AGBL4: variants seen among roughly 807,000 people sequenced by gnomAD.
AGBL4 encodes cytosolic carboxypeptidase 6.
Under a neutral mutation model 66.4 loss-of-function variants are expected in AGBL4, and 58 were observed. That is an observed-to-expected ratio of 0.87 (90% CI 0.71 to 1.09). AGBL4 has a LOEUF of 1.09. AGBL4 is among the 50% of genes least tolerant of loss of function. AGBL4 has a pLI of 0.00. For missense variants in AGBL4, 579 were observed against 631.0 expected (o/e 0.92, Z 0.88); for synonymous variants, 234 against 222.9 (o/e 1.05, Z -0.44).
In AGBL4 at chr1:48,537,098, A is replaced by C. The variant is rs567640861; in HGVS notation, c.1365-2182T>G. On this transcript the variant is annotated intron_variant, in intron 12 of 13. Coordinates refer to ENST00000371839, the MANE Select transcript of AGBL4 (RefSeq NM_032785.4). ...TAAAGCCAGACTGCTCTTTCACTTAAACTATTTGATGCTTGGGTGGAAAAT... is the reference window on the plus strand; with the variant it reads ...TAAAGCCAGACTGCTCTTTCACTTACACTATTTGATGCTTGGGTGGAAAAT... Among the ~76,000 whole-genome samples, 111 of 152,312 alleles carry C rather than the reference A, an allele frequency of 7.3e-4. 1 individual carries two copies. The South Asian group carries it at 0.021, about 29-fold the overall frequency.
At chr1:49,395,472 C>T (rs1445624233) in intron 3 of AGBL4, among the ~76,000 whole-genome samples, 1 of 149,916 alleles carries the variant, frequency 6.7e-6, no homozygotes, top group Non-Finnish European at 1.5e-5. Flanking sequence ...AAAAAATGAG[C>T]AGATAAAAGA....
At chr1:48,718,893 G>A (rs187482030) in intron 6 of AGBL4, among the ~76,000 whole-genome samples, 10 of 152,336 alleles carry the variant, frequency 6.6e-5, no homozygotes, top group Admixed American at 1.3e-4. Flanking sequence ...TGGGAGGGCA[G>A]TGCCTGTTAG....
chr1:49,643,045 T>C (rs1645814958), intron 3 of AGBL4, among the ~76,000 whole-genome samples: 1 of 151,958 alleles, frequency 6.6e-6, no homozygotes, highest in South Asian at 2.1e-4. Flanking sequence ...ATTAAACCAG[T>C]TAACTCTTCC....
rs183292760 is a variant in AGBL4, at chr1:49,654,108, A to G, written c.282+43205T>C. Among the ~76,000 whole-genome samples the G allele has an allele frequency of 4.6e-5, 7 of 152,306 alleles. 1 individual carries two copies. The East Asian group carries it at 1.4e-3, about 29-fold the overall frequency. On this transcript the variant is annotated intron_variant, in intron 3 of 13. Transcript: ENST00000371839. ...GGTCACCTATAAAAGGAAATCCAAC[A>G]GACTAACAGCAGACCTCTTAGTGGA...
At chr1:49,283,371 A>C (rs1427789587) in intron 3 of AGBL4, among the ~76,000 whole-genome samples, 1 of 152,240 alleles carries the variant, frequency 6.6e-6, no homozygotes, top group Non-Finnish European at 1.5e-5. Context: ...ACCCATCTGT[A>C]CATCACCATC....
At chr1:49,329,574 G>A (rs1414970525) in intron 3 of AGBL4, among the ~76,000 whole-genome samples, 1 of 152,070 alleles carries the variant, frequency 6.6e-6, no homozygotes, top group Non-Finnish European at 1.5e-5. Flanking sequence ...GCTGAGGCAT[G>A]AGAATTGCTT....
At chr1:49,005,560 T>C (rs1661722594) in intron 5 of AGBL4, among the ~76,000 whole-genome samples, 1 of 152,234 alleles carries the variant, frequency 6.6e-6, no homozygotes, top group Non-Finnish European at 1.5e-5. Flanking sequence ...ATTTTACTTT[T>C]ATTACAGTAT....
intron 3 of AGBL4, among the ~76,000 whole-genome samples, chr1:49,449,389 G>C (rs755024979): frequency 2.0e-5 from 3 of 152,022 alleles, no homozygotes; most frequent in Admixed American, 6.6e-5. Flanking sequence ...GGAATTATTT[G>C]ATTGATATGA....
In AGBL4 at chr1:48,550,410, T is replaced by C. The variant is rs75662957; in HGVS notation, c.1268-10672A>G. ...CATATCATTCCCATCTCTGCCCCCA[T>C]GGTCACATTGCCTCCTCCCTCTTCA... On this transcript the variant is annotated intron_variant, in intron 11 of 13. Coordinates refer to ENST00000371839, the MANE Select transcript of AGBL4 (RefSeq NM_032785.4). 2.0e-4 allele frequency among the ~76,000 whole-genome samples: 31 copies of C among 152,230 alleles called. 1 individual carries two copies. In the East Asian group the frequency reaches 5.6e-3, roughly 28 times the overall value.
chr1:49,431,521 G>GCTTGGTA (rs1645785782), intron 3 of AGBL4, among the ~76,000 whole-genome samples: 1 of 151,990 alleles, frequency 6.6e-6, no homozygotes. Context: ...AGCATATTAG[G>GCTTGGTA]TCATATATGT....
chr1:48,771,687 C>T (rs1026813845), intron 6 of AGBL4, among the ~76,000 whole-genome samples: 2 of 152,208 alleles, frequency 1.3e-5, no homozygotes, highest in Non-Finnish European at 2.9e-5. Flanking sequence ...ACTGATGACA[C>T]GCAACAATCT....
chr1:49,010,670 A>T (rs1468380196), intron 5 of AGBL4, among the ~76,000 whole-genome samples: 2 of 144,370 alleles, frequency 1.4e-5, no homozygotes, highest in African/African-American at 5.2e-5. Flanking sequence ...TGGTACTGGT[A>T]CCAAAACAGA....
chr1:49,666,584 A>T (rs191554592), intron 3 of AGBL4, among the ~76,000 whole-genome samples: 16 of 151,858 alleles, frequency 1.1e-4, no homozygotes, highest in South Asian at 8.3e-4. Context: ...TAAATAAATA[A>T]ATATATAAAT....
rs1429925597 is a variant in AGBL4, at chr1:49,392,413, T to C, written c.283-146549A>G. Among the ~76,000 whole-genome samples, 7 of 152,208 alleles carry C rather than the reference T, an allele frequency of 4.6e-5. No homozygotes were observed. The South Asian group carries it at 1.4e-3, about 32-fold the overall frequency. On this transcript the variant is annotated intron_variant, in intron 3 of 13. Transcript: ENST00000371839. ...AAGCCAGGAACCGTGTTTCTCAGAATGACTTTTGCTACATGGTTATGAGTT... is the reference window on the plus strand; with the variant it reads ...AAGCCAGGAACCGTGTTTCTCAGAACGACTTTTGCTACATGGTTATGAGTT...
intron 5 of AGBL4, among the ~76,000 whole-genome samples, chr1:48,901,100 G>A (rs1354804134): frequency 1.3e-5 from 2 of 152,150 alleles, no homozygotes; most frequent in African/African-American, 4.8e-5. Context: ...TGTATAGATG[G>A]TAAATAAGCA....
chr1:48,822,979 C>A (rs1000010419), intron 6 of AGBL4, among the ~76,000 whole-genome samples: 5 of 152,194 alleles, frequency 3.3e-5, no homozygotes, highest in African/African-American at 1.2e-4. Flanking sequence ...AAACCTAGGT[C>A]TCATGGTCCC....
intron 1 of AGBL4, among the ~76,000 whole-genome samples, chr1:49,967,209 G>A (rs1471308356): frequency 6.6e-6 from 1 of 152,142 alleles, no homozygotes; most frequent in African/African-American, 2.4e-5. Flanking sequence ...TAACTGGTGT[G>A]AGATGGTATC....
At chr1:49,045,498 T>C in intron 5 of AGBL4, 86 bp downstream of exon 5, 2 of 1,134,694 alleles carry the variant, frequency 1.8e-6, no homozygotes, top group Admixed American at 2.3e-5. Context: ...TATTCATTAT[T>C]TGCATTGCAT....
chr1:49,461,733 T>A (rs1646517673), intron 3 of AGBL4, among the ~76,000 whole-genome samples: 1 of 151,164 alleles, frequency 6.6e-6, no homozygotes, highest in Non-Finnish European at 1.5e-5. Context: ...GGTTTTCTCT[T>A]CTTGTGTTAC....
Sources: gnomAD v4.1 joint callset for allele counts (sites outside exome capture counted in the v4.1 genomes callset) on GRCh38, gnomAD v4.1.1 for gene constraint, MANE v1.5 for transcripts, NCBI Gene and HGNC (gene_info 2026-07-23, HGNC 2026-07-21) for gene names.